The following PLEKHG5 variants were observed in gnomAD, a reference collection of about 807,000 sequenced individuals.
PLEKHG5 encodes the protein pleckstrin homology domain-containing family G member 5.
In PLEKHG5, 52 loss-of-function variants were observed where a neutral mutation model predicts 103.8. The ratio of observed to expected loss-of-function variants is 0.50; its 90% CI spans 0.40 to 0.63. The LOEUF (loss-of-function observed/expected upper bound fraction) is 0.63, where lower values mean the gene tolerates loss of function less well. PLEKHG5 is among the 30% of genes least tolerant of loss of function. The pLI, the probability that PLEKHG5 is intolerant of heterozygous loss-of-function variation, is 0.00. For synonymous variants in PLEKHG5, 592 were observed against 575.5 expected (o/e 1.03, Z -0.41); for missense variants, 1,205 against 1,347.6 (o/e 0.89, Z 1.66).
At position 6,475,900 on chromosome 1, in the gene PLEKHG5, G is replaced by T. The variant is rs1044687406; in HGVS notation, c.149+31C>A. The T allele has an allele frequency of 4.5e-6, 7 of 1,554,506 alleles. No homozygotes were observed. The Admixed American group carries it at 8.3e-5, about 19-fold the overall frequency. On this transcript the variant is annotated intron_variant, in intron 3 of 20. Transcript: ENST00000377728. ...GAGACCCAGCCGTGGGGCCCTCCAG[G>T]TATCTCTCTGCCCACTCATCCCTCA...
At chr1:6,482,668 T>G (rs1403793534) in intron 1 of PLEKHG5, among the ~76,000 whole-genome samples, 2 of 152,218 alleles carry the variant, frequency 1.3e-5, no homozygotes, top group Admixed American at 1.3e-4. Flanking sequence ...AGCCACTGTG[T>G]GTGGGGCTCT....
Position 6,468,079 on chromosome 1 carries a change from G to A in PLEKHG5, c.2757C>T (p.Ser919=). ...CCCAGCTGGGCCCAGCTTCCTGAGG[G>A]GAGCCCTGAGTCCTAATACCTGGGG... ...VPAPGIRTQG[S]PQEAGPSWDC... Residue 919 remains serine, a synonymous_variant, in exon 20 of 21, where the codon TCC becomes TCT. Transcript: ENST00000377728. 6.3e-7 allele frequency: 1 copy of A among 1,583,292 alleles called. No individual in the cohort carries two copies.
Position 6,473,186 on chromosome 1 carries a change from C to T in PLEKHG5, c.796-12G>A. 1 of 1,613,672 alleles carries T rather than the reference C, an allele frequency of 6.2e-7. No individual in the cohort carries two copies. The highest frequency in any genetic ancestry group is 8.5e-7 in the Non-Finnish European group (1 of 1,179,936). ...ATCTTGTCTACCTCCTGGAAAGATA[C>T]CCTGGTCAGGGTCAGGGGTCATGGC... On this transcript the variant is annotated splice_polypyrimidine_tract_variant and intron_variant, in intron 8 of 20. Transcript: ENST00000377728.
intron 1 of PLEKHG5, chr1:6,485,251 C>G: frequency 9.7e-7 from 1 of 1,032,810 alleles, no homozygotes; most frequent in Non-Finnish European, 1.3e-6. Flanking sequence ...CCCTGGCCTC[C>G]CGCACAGGAC....
At chr1:6,497,042 G>A (rs1364961210), upstream of PLEKHG5, 10 of 1,508,062 alleles carry the variant, frequency 6.6e-6, no homozygotes, top group Non-Finnish European at 7.9e-6. The surrounding 1 kb of genome is among the most constrained non-coding windows in gnomAD (Gnocchi z 6.1). Context: ...CTTTGACCCT[G>A]AATTTGGCCC....
exon 1 of PLEKHG5, chr1:6,519,497 C>T: frequency 6.2e-7 from 1 of 1,614,004 alleles, no homozygotes; most frequent in Non-Finnish European, 8.5e-7. Context: ...CATGTTTTGT[C>T]AGGACTGAAT....
rs1483492002 is a variant in PLEKHG5, at chr1:6,485,230, G to A, written c.-88+6407C>T. 1.5e-5 allele frequency: 13 copies of A among 846,082 alleles called. No individual in the cohort carries two copies. In the South Asian group the frequency reaches 4.6e-4, roughly 30 times the overall value. 52.4% of individuals were successfully genotyped at this position (846,082 alleles called of 1,614,324 possible). On this transcript the variant is annotated intron_variant, in intron 1 of 20. Coordinates refer to ENST00000377728, the MANE Select transcript of PLEKHG5 (RefSeq NM_020631.6). The stretch of plus-strand genomic sequence containing the variant: ...TGGGGGCCGCGGGGCCCATAGTCAC[G>A]GGCACCCCCTCCCTGGCCTCCCGCA...
intron 1 of PLEKHG5, among the ~76,000 whole-genome samples, chr1:6,504,257 C>G (rs984609087): frequency 6.6e-6 from 1 of 152,166 alleles, no homozygotes; most frequent in Admixed American, 6.5e-5. Context: ...ATTTGCCCCC[C>G]CAACATCAGC....
Position 6,470,336 on chromosome 1 carries a change from T to C in PLEKHG5, c.1700A>G (p.His567Arg), listed in dbSNP as rs765551463. The C allele has an allele frequency of 1.9e-6, 3 of 1,613,882 alleles. No homozygotes were observed. The African/African-American group carries it at 4.0e-5, about 22-fold the overall frequency. Reference sequence around the variant, plus strand: ...AGGGATGGGCGCTGTCAAGTCCAGGTGCAGAAATTCCTTCAGGAGCTGGGG... The same window carrying C: ...AGGGATGGGCGCTGTCAAGTCCAGGCGCAGAAATTCCTTCAGGAGCTGGGG... The part of the protein sequence containing the change: ...EVDKLLKEFL[H>R]LDLTAPIPGA... Residue 567 changes from histidine to arginine, a missense_variant, in exon 16 of 21, where the codon CAC becomes CGC. Transcript: ENST00000377728.
At chr1:6,496,662 C>A, upstream of PLEKHG5, 1 of 801,138 alleles carries the variant, frequency 1.2e-6, no homozygotes, top group South Asian at 2.2e-5. Flanking sequence ...GTGGGGTGAT[C>A]TCCTCAGTCC....
chr1:6,515,937 A>T (rs1161974235), intron 1 of PLEKHG5, among the ~76,000 whole-genome samples: 6 of 152,216 alleles, frequency 3.9e-5, no homozygotes, highest in Non-Finnish European at 5.9e-5. Context: ...GGACATGGAC[A>T]TGGAAGACGG....
rs147618557 is a variant in PLEKHG5, at chr1:6,467,569, C to T, written c.3015G>A (p.Glu1005=). The T allele has an allele frequency of 2.5e-6, 4 of 1,613,362 alleles. No individual in the cohort carries two copies. In the African/African-American group the frequency reaches 5.3e-5, roughly 22 times the overall value. Residue 1005 remains glutamate (E), a synonymous_variant, in exon 21 of 21, where the codon GAG becomes GAA. Transcript: ENST00000377728. ...CTTGGGGGCCTCCCTCTGCTCAGAC[C>T]TCCCTACAGGGTGGGGAGGGGACAG... ...LLLNSTLTAS[E]V
intron 1 of PLEKHG5, among the ~76,000 whole-genome samples, chr1:6,511,874 C>T (rs1003843210): frequency 6.6e-6 from 1 of 152,198 alleles, no homozygotes; most frequent in Non-Finnish European, 1.5e-5. Flanking sequence ...AGCCCAGGGC[C>T]GGGCAGGGGA....
intron 1 of PLEKHG5, among the ~76,000 whole-genome samples, chr1:6,513,509 C>G (rs1638532233): frequency 6.6e-6 from 1 of 152,248 alleles, no homozygotes; most frequent in Non-Finnish European, 1.5e-5. Context: ...GAAATGAAGG[C>G]TGTTCCTCGG....
upstream of PLEKHG5, chr1:6,497,233 G>C (rs181025240): frequency 4.6e-6 from 4 of 868,300 alleles, no homozygotes; most frequent in Non-Finnish European, 7.4e-6. This position sits in a 1 kb window ranked among gnomAD's most constrained non-coding sequence, Gnocchi z 6.1. Flanking sequence ...CCCTTGCCTG[G>C]AGCGGGCCCT....
At chr1:6,495,386 G>C (rs1336180630), upstream of PLEKHG5, among the ~76,000 whole-genome samples, 2 of 152,154 alleles carry the variant, frequency 1.3e-5, no homozygotes, top group Non-Finnish European at 2.9e-5. Flanking sequence ...TGTGCAGAAC[G>C]AGTGTGTGTG....
rs201675267 is a variant in PLEKHG5 at position 6,469,466 on chromosome 1, C to T, written c.1934-16G>A. 6.6e-5 allele frequency: 106 copies of T among 1,613,580 alleles called. No homozygotes were observed. The East Asian group carries it at 2.3e-3, about 35-fold the overall frequency. ...AGGAAGGACCCTGGTTAGGGAAGGC[C>T]CAAGTCAGTGTCAGCAGAGACGATG... is the stretch of plus-strand genomic sequence containing the variant. On this transcript the variant is annotated splice_polypyrimidine_tract_variant and intron_variant, in intron 17 of 20. Coordinates refer to ENST00000377728, the MANE Select transcript of PLEKHG5 (RefSeq NM_020631.6).
rs1389228294 is a variant in PLEKHG5 at position 6,471,581 on chromosome 1, C to T, written c.1188G>A (p.Arg396=). 6.2e-7 allele frequency: 1 copy of T among 1,600,868 alleles called. No individual in the cohort carries two copies. Among genetic ancestry groups the T allele is most frequent in the Middle Eastern group, 1.7e-4 (1 of 5,958 alleles). The change falls in exon 12 of 21, where the codon AGG becomes AGA. Residue 396 remains arginine (R), a synonymous_variant. Coordinates refer to ENST00000377728, the MANE Select transcript of PLEKHG5 (RefSeq NM_020631.6). ...NIPEIAQLHR[R]LWASVMAPVL... is the part of the protein sequence containing the mutation. ...CCGGCGCCATCACGCTAGCCCACAG[C>T]CTGCGGTGCAGCTGCGCGATCTCCG...
At chr1:6,515,834 G>C (rs1638596967) in intron 1 of PLEKHG5, among the ~76,000 whole-genome samples, 1 of 152,190 alleles carries the variant, frequency 6.6e-6, no homozygotes, top group African/African-American at 2.4e-5. Context: ...TCTGCCAAGA[G>C]CCATGGCATT....
Sources: gnomAD v4.1 joint callset for allele counts (sites outside exome capture counted in the v4.1 genomes callset) on GRCh38, gnomAD v4.1.1 for gene constraint, Gnocchi (gnomAD v3.1) non-coding constraint, MANE v1.5 for transcripts, NCBI Gene and HGNC (gene_info 2026-07-23, HGNC 2026-07-21) for gene names.